CDCA2: variants seen among roughly 807,000 people sequenced by gnomAD.
CDCA2 encodes the protein cell division cycle-associated protein 2.
In CDCA2, 44 loss-of-function variants were observed where a neutral mutation model predicts 67.0. That is an observed-to-expected ratio of 0.66 (90% CI 0.52 to 0.84). The LOEUF is 0.84. Ranked by LOEUF, CDCA2 falls within the 40% of genes least tolerant of loss-of-function variation. CDCA2 has a pLI of 0.00. For missense variants in CDCA2, 1,253 were observed against 1,203.2 expected (o/e 1.04, Z -0.61); for synonymous variants, 447 against 418.7 (o/e 1.07, Z -0.82).
In CDCA2 at chr8:25,482,702, CTACAAAAAAA is replaced by C. The variant is rs201264646; in HGVS notation, c.1033-688_1033-679del. Reference sequence around the variant, plus strand: ...TGGGCAACATGGCGAAACCTCGTCTCTACAAAAAAATACAAAAATTAGCTGGGTGTGGTAG... The same window carrying C: ...TGGGCAACATGGCGAAACCTCGTCTCTACAAAAATTAGCTGGGTGTGGTAG... On this transcript the variant is annotated intron_variant, in intron 8 of 14. Coordinates refer to ENST00000330560, the MANE Select transcript of CDCA2 (RefSeq NM_152562.4). 7.2e-5 allele frequency among the ~76,000 whole-genome samples: 11 copies of C among 152,246 alleles called. No individual in the cohort carries two copies. In the East Asian group the frequency reaches 2.1e-3, roughly 29 times the overall value.
At chr8:25,505,648 T>A (rs904109159) in intron 14 of CDCA2, among the ~76,000 whole-genome samples, 4 of 152,252 alleles carry the variant, frequency 2.6e-5, no homozygotes, top group African/African-American at 9.6e-5. Context: ...AACATTGTTT[T>A]TTTAGACTTT....
intron 13 of CDCA2, among the ~76,000 whole-genome samples, chr8:25,491,854 G>A (rs1804016978): frequency 6.6e-6 from 1 of 151,574 alleles, no homozygotes; most frequent in South Asian, 2.1e-4. Flanking sequence ...GGAGTGCAGT[G>A]ATGCATGATC....
intron 9 of CDCA2, among the ~76,000 whole-genome samples, chr8:25,483,733 C>T (rs901545930): frequency 2.0e-5 from 3 of 152,018 alleles, no homozygotes; most frequent in Admixed American, 6.6e-5. Flanking sequence ...ATTTTATTAA[C>T]GTTTAATATG....
Position 25,507,679 on chromosome 8 carries a change from G to A in CDCA2, c.3013G>A (p.Gly1005Arg). 6.2e-7 allele frequency: 1 copy of A among 1,614,068 alleles called. No homozygotes were observed. Among genetic ancestry groups the A allele is most frequent in the Non-Finnish European group, 8.5e-7 (1 of 1,179,994 alleles). The change falls in exon 15 of 15, where the codon GGA becomes AGA. Residue 1005 changes from glycine to arginine, a missense_variant. Coordinates refer to ENST00000330560, the MANE Select transcript of CDCA2 (RefSeq NM_152562.4). ...YRRRSSLNGK[G>R]ESSLTALERI... ...GAGAAGATCCTCTCTTAATGGGAAG[G>A]GAGAGAGCTCTCTGACTGCCTTGGA...
chr8:25,467,845 G>A (rs1182581157), intron 5 of CDCA2, among the ~76,000 whole-genome samples: 3 of 151,990 alleles, frequency 2.0e-5, no homozygotes, highest in African/African-American at 7.2e-5. Flanking sequence ...ATAGCCGGGC[G>A]TGGTGGCTCA....
At position 25,503,612 on chromosome 8, in the gene CDCA2, T is replaced by G. The variant is rs148690393; in HGVS notation, c.1843+68T>G. On this transcript the variant is annotated intron_variant, in intron 14 of 14. Transcript: ENST00000330560. ...TTCACCCTCTTTGTTGCTATTTTAC[T>G]TTTTTCACTTTTTTCCCATTCACTA... 1.2e-4 allele frequency: 175 copies of G among 1,439,772 alleles called. 1 individual carries two copies. The African/African-American group carries it at 2.4e-3, about 19-fold the overall frequency. 89.2% of individuals were successfully genotyped at this position (1,439,772 alleles called of 1,614,324 possible).
intron 4 of CDCA2, 110 bp downstream of exon 4, chr8:25,462,318 C>T (rs756133777): frequency 2.6e-5 from 33 of 1,270,650 alleles, no homozygotes; most frequent in Non-Finnish European, 3.7e-5. Context: ...GAGATTTTCT[C>T]TGTGTTTTAG....
chr8:25,499,300 T>C (rs1804375572), intron 13 of CDCA2, among the ~76,000 whole-genome samples: 1 of 83,816 alleles, frequency 1.2e-5, no homozygotes, highest in African/African-American at 3.5e-5. Context: ...ATGAATTTTT[T>C]TTTTTTTTTT....
intron 7 of CDCA2, among the ~76,000 whole-genome samples, chr8:25,471,127 G>A (rs1270422982): frequency 3.1e-5 from 2 of 63,584 alleles, no homozygotes; most frequent in Admixed American, 4.3e-4. Context: ...TTACCCAGAT[G>A]TACCATTTCT....
chr8:25,494,534 G>T (rs149438019), intron 13 of CDCA2, among the ~76,000 whole-genome samples: 23 of 152,116 alleles, frequency 1.5e-4, no homozygotes, highest in African/African-American at 5.5e-4. Context: ...TTTATGTCGG[G>T]GACTTGAGTA....
chr8:25,507,276 T>C lies in CDCA2; in HGVS notation c.2610T>C (p.Phe870=). 1 of 1,614,184 alleles carries C rather than the reference T, an allele frequency of 6.2e-7. No homozygotes were observed. Among genetic ancestry groups the C allele is most frequent in the South Asian group, 1.1e-5 (1 of 91,092 alleles). ...VEISLENSEL[F]KDLSDAIEQT... is the part of the protein sequence containing the mutation. ...TTAGTTTAGAAAATTCTGAACTGTTTAAAGATTTGTCTGATGCCATTGAGC... is the reference window on the plus strand; with the variant it reads ...TTAGTTTAGAAAATTCTGAACTGTTCAAAGATTTGTCTGATGCCATTGAGC... Residue 870 remains phenylalanine, a synonymous_variant, in exon 15 of 15, where the codon TTT becomes TTC. Coordinates refer to ENST00000330560, the MANE Select transcript of CDCA2 (RefSeq NM_152562.4).
chr8:25,479,167 C>G (rs1803469501), intron 7 of CDCA2, among the ~76,000 whole-genome samples: 1 of 152,188 alleles, frequency 6.6e-6, no homozygotes, highest in Non-Finnish European at 1.5e-5. Flanking sequence ...TTCATGTGAG[C>G]ACAGTACAGC....
chr8:25,486,493 C>G (rs543977846), intron 11 of CDCA2, among the ~76,000 whole-genome samples: 1 of 152,152 alleles, frequency 6.6e-6, no homozygotes, highest in Admixed American at 6.5e-5. Context: ...ACATATTATA[C>G]CACCTTTCAT....
At chr8:25,495,472 T>G (rs1804180559) in intron 13 of CDCA2, among the ~76,000 whole-genome samples, 1 of 152,046 alleles carries the variant, frequency 6.6e-6, no homozygotes. Context: ...TAGAGTGCAG[T>G]GGCGTGAGCT....
intron 13 of CDCA2, among the ~76,000 whole-genome samples, chr8:25,492,753 C>T (rs961531284): frequency 3.9e-5 from 6 of 152,150 alleles, no homozygotes; most frequent in Admixed American, 3.3e-4. Context: ...CAACTAAGGA[C>T]GAAGCTTTTA....
Position 25,507,069 on chromosome 8 carries a change from G to C in CDCA2, c.2403G>C (p.Thr801=). ...HCLGDVLIEN[T]KESKSQSEDL... ...TAGGAGATGTCTTAATTGAAAATAC[G>C]AAAGAATCTAAAAGCCAGAGTGAGG... Residue 801 remains threonine (T), a synonymous_variant, in exon 15 of 15, where the codon ACG becomes ACC. Transcript: ENST00000330560. The C allele has an allele frequency of 6.2e-7, 1 of 1,613,962 alleles. No homozygotes were observed. The highest frequency in any genetic ancestry group is 1.1e-5 in the South Asian group (1 of 91,058).
intron 7 of CDCA2, among the ~76,000 whole-genome samples, chr8:25,470,811 G>T (rs1327632601): frequency 6.6e-6 from 1 of 151,548 alleles, no homozygotes; most frequent in Non-Finnish European, 1.5e-5. Context: ...GCCCAGGCTG[G>T]AGTGCAGTGG....
chr8:25,480,110 C>A lies in CDCA2; in HGVS notation c.1018C>A (p.Leu340Ile). The A allele has an allele frequency of 6.2e-7, 1 of 1,613,762 alleles. No homozygotes were observed. The highest frequency in any genetic ancestry group is 8.5e-7 in the Non-Finnish European group (1 of 1,179,824). Residue 340 changes from leucine to isoleucine, a missense_variant, in exon 8 of 15, where the codon CTA becomes ATA. Leu to Ile is a conservative substitution (Grantham distance 5, BLOSUM62 2). Transcript: ENST00000330560. ...VLKKPSVKMC[L>I]ESLQEHCNNL... ...GAAGAAACCCTCTGTTAAGATGTGT[C>A]TAGAGAGCTTACAGGTAAGAAGAGA...
chr8:25,474,985 A>G (rs564867901), intron 7 of CDCA2, among the ~76,000 whole-genome samples: 6 of 152,312 alleles, frequency 3.9e-5, no homozygotes, highest in Non-Finnish European at 7.4e-5. Context: ...GTAATCACTG[A>G]CACAGCCTGG....
Sources: gnomAD v4.1 joint callset for allele counts (sites outside exome capture counted in the v4.1 genomes callset) on GRCh38, gnomAD v4.1.1 for gene constraint, MANE v1.5 for transcripts, NCBI Gene and HGNC (gene_info 2026-07-23, HGNC 2026-07-21) for gene names.